Variants in PRKG1 observed in about 807,000 individuals in gnomAD.
PRKG1 encodes cGMP-dependent protein kinase 1.
A neutral mutation model predicts 88.1 loss-of-function variants in PRKG1; 35 were observed. That is an observed-to-expected ratio of 0.40 (90% CI 0.30 to 0.53). The LOEUF is 0.53. PRKG1 is among the 20% of genes least tolerant of loss of function. PRKG1 has a pLI of 0.59. For missense variants in PRKG1, 540 were observed against 839.8 expected, an observed-to-expected ratio of 0.64 and a Z score of 4.41; for synonymous variants, 303 against 292.5, an observed-to-expected ratio of 1.04 and a Z score of -0.37.
chr10:51,712,487 G>T (rs1314725056), intron 3 of PRKG1, among the ~76,000 whole-genome samples: 12 of 150,040 alleles, frequency 8.0e-5, no homozygotes, highest in Admixed American at 8.0e-4. Context: ...ATGCTTATTT[G>T]CAACACTATT....
At chr10:52,282,755 C>G (rs577944055) in intron 14 of PRKG1, among the ~76,000 whole-genome samples, 1 of 152,134 alleles carries the variant, frequency 6.6e-6, no homozygotes, top group African/African-American at 2.4e-5. Flanking sequence ...TTATTATCAT[C>G]AACTCAAATA....
intron 4 of PRKG1, among the ~76,000 whole-genome samples, chr10:51,886,444 A>T (rs1589388813): frequency 6.6e-6 from 1 of 152,284 alleles, no homozygotes; most frequent in Admixed American, 6.5e-5. Flanking sequence ...AACAACCCAG[A>T]TATTTAGGGC....
chr10:51,856,634 T>G (rs977990014), intron 4 of PRKG1, among the ~76,000 whole-genome samples: 3 of 152,192 alleles, frequency 2.0e-5, no homozygotes, highest in Admixed American at 6.5e-5. Context: ...ATTAATATTG[T>G]AAGTGAAGAG....
chr10:51,048,728 TA>T (rs1359946070), intron 1 of PRKG1, among the ~76,000 whole-genome samples: 3 of 152,036 alleles, frequency 2.0e-5, no homozygotes, highest in Non-Finnish European at 4.4e-5. Flanking sequence ...CAAAAGAGAG[TA>T]ATAATTTCCA....
chr10:51,950,654 G>C (rs1418567647), intron 5 of PRKG1, among the ~76,000 whole-genome samples: 1 of 152,258 alleles, frequency 6.6e-6, no homozygotes, highest in Non-Finnish European at 1.5e-5. Context: ...CCCAGAGGGG[G>C]TATTAGTATG....
At chr10:52,064,326 G>A (rs1846306296) in intron 7 of PRKG1, among the ~76,000 whole-genome samples, 1 of 152,218 alleles carries the variant, frequency 6.6e-6, no homozygotes, top group African/African-American at 2.4e-5. Flanking sequence ...ACAGTGCCTG[G>A]GCTCAGTCCC....
intron 2 of PRKG1, among the ~76,000 whole-genome samples, chr10:51,243,452 A>T (rs368624097): frequency 5.9e-5 from 9 of 152,148 alleles, no homozygotes; most frequent in South Asian, 2.1e-4. Flanking sequence ...GCTCTGGCGG[A>T]CCTTATGTTT....
chr10:52,090,652 T>C (rs1372544944), intron 7 of PRKG1, among the ~76,000 whole-genome samples: 1 of 152,204 alleles, frequency 6.6e-6, no homozygotes, highest in Non-Finnish European at 1.5e-5. Flanking sequence ...TCAATATATT[T>C]GTTAATTACC....
rs553907542 is a variant in PRKG1, at chr10:51,782,219, A to AT, written c.593-22360dup. 9.2e-5 allele frequency among the ~76,000 whole-genome samples: 14 copies of AT among 152,172 alleles called. No homozygotes were observed. In the East Asian group the frequency reaches 2.7e-3, roughly 29 times the overall value. Reference sequence around the variant, plus strand: ...TCAACTTACAAGGGTTCAACTTATGATTTTTTGACTTTACAATGGGTTTAT... The same window carrying AT: ...TCAACTTACAAGGGTTCAACTTATGATTTTTTTGACTTTACAATGGGTTTAT... On this transcript the variant is annotated intron_variant, in intron 3 of 17. Transcript: ENST00000373980.
At chr10:51,116,230 G>A (rs1845120004) in intron 1 of PRKG1, among the ~76,000 whole-genome samples, 1 of 152,178 alleles carries the variant, frequency 6.6e-6, no homozygotes, top group African/African-American at 2.4e-5. Flanking sequence ...CGGTAGACTG[G>A]CGGAACATAT....
intron 3 of PRKG1, among the ~76,000 whole-genome samples, chr10:51,734,453 T>C (rs1387469343): frequency 6.6e-6 from 1 of 152,142 alleles, no homozygotes; most frequent in Non-Finnish European, 1.5e-5. Flanking sequence ...ATATAATACC[T>C]GGCCCAAGAG....
At chr10:51,103,277 C>T (rs1844731915) in intron 1 of PRKG1, among the ~76,000 whole-genome samples, 1 of 152,066 alleles carries the variant, frequency 6.6e-6, no homozygotes, top group South Asian at 2.1e-4. Context: ...TATAAAGGCC[C>T]AGTAAGGGCC....
intron 1 of PRKG1, among the ~76,000 whole-genome samples, chr10:51,085,014 G>T (rs1464774271): frequency 2.0e-5 from 3 of 152,142 alleles, no homozygotes; most frequent in African/African-American, 7.2e-5. Flanking sequence ...GTAAATTATG[G>T]TTTTGACAAT....
chr10:51,906,458 C>T (rs1842088602), intron 4 of PRKG1, among the ~76,000 whole-genome samples: 1 of 152,078 alleles, frequency 6.6e-6, no homozygotes, highest in African/African-American at 2.4e-5. Flanking sequence ...TCCATCAGTA[C>T]ATATAAGGTA....
At chr10:51,314,279 C>T (rs7923630) in intron 2 of PRKG1, among the ~76,000 whole-genome samples, 5,104 of 152,158 alleles carry the variant, frequency 0.034, 274 homozygotes, top group African/African-American at 0.11. Flanking sequence ...TGCTGAGAAT[C>T]GCAGAGTCCC....
intron 3 of PRKG1, among the ~76,000 whole-genome samples, chr10:51,556,982 T>G (rs1589077804): frequency 6.6e-6 from 1 of 152,082 alleles, no homozygotes; most frequent in African/African-American, 2.4e-5. Flanking sequence ...TTTCTATGTG[T>G]CTAATTTATC....
intron 9 of PRKG1, among the ~76,000 whole-genome samples, chr10:52,176,676 T>C (rs1270600867): frequency 6.6e-6 from 1 of 152,178 alleles, no homozygotes; most frequent in Non-Finnish European, 1.5e-5. Context: ...GTTTGTATCT[T>C]ACTCAGTTTT....
At chr10:51,944,783 C>T (rs1456924559) in intron 5 of PRKG1, among the ~76,000 whole-genome samples, 3 of 151,978 alleles carry the variant, frequency 2.0e-5, no homozygotes, top group Non-Finnish European at 4.4e-5. Context: ...GTTTCTTAAT[C>T]CTGAGTTCTA....
chr10:51,431,944 T>C (rs755916508), intron 2 of PRKG1, among the ~76,000 whole-genome samples: 3 of 152,188 alleles, frequency 2.0e-5, no homozygotes, highest in Admixed American at 1.3e-4. Context: ...CATTTTTATA[T>C]GTTCTTTTTC....
Sources: allele counts gnomAD v4.1 joint callset (sites outside exome capture counted in the v4.1 genomes callset), GRCh38; gene constraint gnomAD v4.1.1; transcripts MANE v1.5; gene names NCBI Gene and HGNC (gene_info 2026-07-23, HGNC 2026-07-21).